Variants in CDH13 observed in about 807,000 individuals in gnomAD.
CDH13 encodes cadherin 13, also known as cadherin-13.
CDH13 carries 24 observed loss-of-function variants against 63.8 expected under a neutral mutation model. The ratio of observed to expected loss-of-function variants is 0.38; its 90% CI spans 0.27 to 0.53. The LOEUF is 0.53. Ranked by LOEUF, CDH13 falls within the 20% of genes least tolerant of loss-of-function variation. The pLI is 0.85. For missense variants in CDH13, 1,049 were observed against 903.1 expected (o/e 1.16, Z -2.07); for synonymous variants, 503 against 355.3 (o/e 1.42, Z -4.67).
chr16:83,290,022 C>A (rs945284626), intron 5 of CDH13, among the ~76,000 whole-genome samples: 1 of 152,166 alleles, frequency 6.6e-6, no homozygotes, highest in African/African-American at 2.4e-5. Flanking sequence ...TGACACTTAA[C>A]TGTACAGATT....
intron 3 of CDH13, among the ~76,000 whole-genome samples, chr16:83,046,617 G>T (rs942674828): frequency 2.0e-5 from 3 of 152,126 alleles, no homozygotes; most frequent in African/African-American, 7.2e-5. Context: ...ATAGCCCACT[G>T]GGAAGGCCTT....
At chr16:83,659,541 G>C (rs1205102487) in intron 8 of CDH13, among the ~76,000 whole-genome samples, 1 of 152,262 alleles carries the variant, frequency 6.6e-6, no homozygotes, top group African/African-American at 2.4e-5. Flanking sequence ...CTGTTCATTA[G>C]AATCACAGGG....
rs552582284 is a variant in CDH13 at position 83,535,909 on chromosome 16, A to G, written c.960+49254A>G. Among the ~76,000 whole-genome samples, 6 of 150,092 alleles carry G rather than the reference A, an allele frequency of 4.0e-5. No homozygotes were observed. The South Asian group carries it at 1.3e-3, about 32-fold the overall frequency. Reference sequence around the variant, plus strand: ...AGAGAAACAAAGAAAAGAAAAGGAAAAAAAGGAAAGAAGGAAAGAAGGAAG... The same window carrying G: ...AGAGAAACAAAGAAAAGAAAAGGAAGAAAAGGAAAGAAGGAAAGAAGGAAG... On this transcript the variant is annotated intron_variant, in intron 7 of 13. Transcript: ENST00000567109.
intron 4 of CDH13, among the ~76,000 whole-genome samples, chr16:83,153,526 T>C (rs545772009): frequency 6.6e-6 from 1 of 152,328 alleles, no homozygotes; most frequent in East Asian, 1.9e-4. Flanking sequence ...GTTATCACCT[T>C]TGTTTTAAAC....
intron 5 of CDH13, among the ~76,000 whole-genome samples, chr16:83,228,007 C>A (rs185065040): frequency 3.9e-5 from 6 of 152,018 alleles, no homozygotes; most frequent in African/African-American, 1.5e-4. Flanking sequence ...GACACGGAGC[C>A]GATAAAAGAT....
At chr16:83,013,794 G>C (rs1012957779) in intron 2 of CDH13, among the ~76,000 whole-genome samples, 1 of 152,158 alleles carries the variant, frequency 6.6e-6, no homozygotes, top group African/African-American at 2.4e-5. Flanking sequence ...GGGTTGCTGG[G>C]ATGGCCCGGT....
At chr16:83,681,835 G>A (rs566205868) in intron 10 of CDH13, among the ~76,000 whole-genome samples, 14 of 152,284 alleles carry the variant, frequency 9.2e-5, no homozygotes, top group African/African-American at 3.1e-4. Flanking sequence ...AATCATCTGC[G>A]CTGGGCTACC....
intron 6 of CDH13, among the ~76,000 whole-genome samples, chr16:83,386,927 T>C (rs1190551790): frequency 6.6e-6 from 1 of 152,170 alleles, no homozygotes; most frequent in African/African-American, 2.4e-5. Context: ...TTCCATTGCA[T>C]CTAGAAAGCC....
intron 3 of CDH13, among the ~76,000 whole-genome samples, chr16:83,104,393 C>G (rs1339524797): frequency 6.6e-6 from 1 of 152,026 alleles, no homozygotes; most frequent in Non-Finnish European, 1.5e-5. Flanking sequence ...AAATGTGAGG[C>G]TCTGTAATGC....
chr16:83,176,512 G>GAAAAAAAAAAAA (rs869250059), intron 4 of CDH13, among the ~76,000 whole-genome samples: 2 of 71,784 alleles, frequency 2.8e-5, no homozygotes, highest in African/African-American at 9.2e-5. Flanking sequence ...TCCAGCTAGA[G>GAAAAAAAAAAAA]AAAAAAAAAA....
At chr16:83,077,115 A>G (rs541618684) in intron 3 of CDH13, among the ~76,000 whole-genome samples, 123 of 118,482 alleles carry the variant, frequency 1.0e-3, no homozygotes, top group African/African-American at 3.5e-3. Context: ...TGGTATATAT[A>G]TTTTTGTTTG....
At chr16:82,879,873 A>C (rs1424305450) in intron 2 of CDH13, among the ~76,000 whole-genome samples, 9 of 143,578 alleles carry the variant, frequency 6.3e-5, no homozygotes, top group Non-Finnish European at 1.3e-4. Context: ...GATTTATCTA[A>C]ATATATGTTA....
At chr16:83,650,737 G>C (rs1033603114) in intron 8 of CDH13, among the ~76,000 whole-genome samples, 3 of 152,106 alleles carry the variant, frequency 2.0e-5, no homozygotes, top group Non-Finnish European at 4.4e-5. Flanking sequence ...GAGGTCGAAA[G>C]ACTCTAAGTG....
chr16:82,922,286 A>G (rs556417922), intron 2 of CDH13, among the ~76,000 whole-genome samples: 1 of 152,322 alleles, frequency 6.6e-6, no homozygotes, highest in African/African-American at 2.4e-5. Flanking sequence ...TTGGCAAATT[A>G]AATATGACTG....
intron 6 of CDH13, among the ~76,000 whole-genome samples, chr16:83,477,238 A>C (rs529799430): frequency 6.6e-6 from 1 of 152,234 alleles, no homozygotes; most frequent in Non-Finnish European, 1.5e-5. Flanking sequence ...ACAGATGGAG[A>C]CAGTCATTGC....
Position 83,468,262 on chromosome 16 carries a change from G to A in CDH13, c.782-18215G>A, listed in dbSNP as rs114334600. Among the ~76,000 whole-genome samples the A allele has an allele frequency of 4.7e-3, 721 of 152,288 alleles. 11 individuals carry two copies. The highest frequency in any genetic ancestry group is 0.016 in the African/African-American group (683 of 41,560). On this transcript the variant is annotated intron_variant, in intron 6 of 13. Coordinates refer to ENST00000567109, the MANE Select transcript of CDH13 (RefSeq NM_001257.5). ...CCATCACAGGTGTTCTTAGAAGAAA[G>A]AGGCAACAGGAGAGAACACAGGTGC...
At chr16:83,658,787 A>G (rs1262453940) in intron 8 of CDH13, among the ~76,000 whole-genome samples, 9 of 129,606 alleles carry the variant, frequency 6.9e-5, no homozygotes, top group Non-Finnish European at 6.4e-5. Flanking sequence ...GCAAGGTCTC[A>G]TGTCCTCACC....
At chr16:83,357,533 C>G (rs8056960) in intron 6 of CDH13, among the ~76,000 whole-genome samples, 80,298 of 151,750 alleles carry the variant, frequency 0.53, 23,383 homozygotes, top group African/African-American at 0.79. Context: ...GTCGTGTTTG[C>G]TGATTTCAGA....
intron 4 of CDH13, among the ~76,000 whole-genome samples, chr16:83,137,419 G>A (rs957040638): frequency 3.9e-5 from 6 of 152,182 alleles, no homozygotes; most frequent in Admixed American, 3.3e-4. Context: ...GGTTAACCTC[G>A]CCAACATTTA....
Sources: gnomAD v4.1 joint callset for allele counts (sites outside exome capture counted in the v4.1 genomes callset) on GRCh38, gnomAD v4.1.1 for gene constraint, MANE v1.5 for transcripts, NCBI Gene and HGNC (gene_info 2026-07-23, HGNC 2026-07-21) for gene names.